EYS: variants seen among roughly 807,000 people sequenced by gnomAD.
EYS encodes the protein protein eyes shut homolog.
A neutral mutation model predicts 282.1 loss-of-function variants in EYS; 250 were observed. That is an observed-to-expected ratio of 0.89 (90% CI 0.80 to 0.98). The LOEUF (loss-of-function observed/expected upper bound fraction) is 0.98. EYS is among the 50% of genes least tolerant of loss of function. The pLI is 0.00. For synonymous variants in EYS, 1,355 were observed against 1,282.9 expected, an observed-to-expected ratio of 1.06 and a Z score of -1.20; for missense variants, 4,016 against 3,709.0, an observed-to-expected ratio of 1.08 and a Z score of -2.15.
intron 2 of EYS, among the ~76,000 whole-genome samples, chr6:65,622,273 T>A (rs1766532316): frequency 6.6e-6 from 1 of 151,846 alleles, no homozygotes. Context: ...CTTCTTTATT[T>A]CTACAGGCTA....
At chr6:64,875,678 T>C (rs1295654576) in intron 19 of EYS, among the ~76,000 whole-genome samples, 1 of 152,142 alleles carries the variant, frequency 6.6e-6, no homozygotes, top group Non-Finnish European at 1.5e-5. Flanking sequence ...CATTAAATCA[T>C]CCAATAACTA....
At chr6:64,237,014 A>C (rs1433316700) in intron 30 of EYS, among the ~76,000 whole-genome samples, 1 of 152,042 alleles carries the variant, frequency 6.6e-6, no homozygotes, top group African/African-American at 2.4e-5. Flanking sequence ...TAGTATGTAC[A>C]TTTAATTTTT....
At chr6:64,695,171 C>A (rs1048024981) in intron 22 of EYS, among the ~76,000 whole-genome samples, 2 of 152,004 alleles carry the variant, frequency 1.3e-5, no homozygotes, top group Admixed American at 1.3e-4. Flanking sequence ...AGGACTGGGA[C>A]CACTGAGAGT....
intron 28 of EYS, among the ~76,000 whole-genome samples, chr6:64,406,281 C>A (rs1345762198): frequency 6.6e-6 from 1 of 152,144 alleles, no homozygotes; most frequent in Non-Finnish European, 1.5e-5. Context: ...GAAACTGGAT[C>A]CCTTCCTTAC....
chr6:65,028,909 C>T (rs1436825181), intron 13 of EYS, among the ~76,000 whole-genome samples: 1 of 152,014 alleles, frequency 6.6e-6, no homozygotes, highest in East Asian at 1.9e-4. Context: ...AAGAGCTTTG[C>T]CTTTATACCT....
At chr6:64,585,611 T>A (rs2149827528) in intron 26 of EYS, among the ~76,000 whole-genome samples, 1 of 152,242 alleles carries the variant, frequency 6.6e-6, no homozygotes, top group African/African-American at 2.4e-5. Context: ...GTAAATAATC[T>A]TTCTCTATGG....
chr6:65,118,046 T>G (rs1374672565), intron 12 of EYS, among the ~76,000 whole-genome samples: 2 of 152,090 alleles, frequency 1.3e-5, no homozygotes, highest in Admixed American at 6.5e-5. Context: ...GGGGAAGGAT[T>G]GTGGTTGTTG....
chr6:64,408,198 A>T (rs1196032610), intron 28 of EYS, among the ~76,000 whole-genome samples: 1 of 152,008 alleles, frequency 6.6e-6, no homozygotes, highest in Non-Finnish European at 1.5e-5. Context: ...AATAATAATA[A>T]ATAATGAGTA....
chr6:64,328,518 G>C (rs673370), intron 29 of EYS, among the ~76,000 whole-genome samples: 2 of 152,186 alleles, frequency 1.3e-5, no homozygotes, highest in Non-Finnish European at 2.9e-5. Context: ...GAGGCTGTGC[G>C]AGGCTTACCA....
intron 13 of EYS, among the ~76,000 whole-genome samples, chr6:65,006,636 T>C (rs9354203): frequency 0.068 from 10,293 of 151,908 alleles, 437 homozygotes; most frequent in East Asian, 0.13. Context: ...GATTTCCTAA[T>C]GGGGGATTTA....
At chr6:65,480,361 G>A (rs1000430492) in intron 5 of EYS, among the ~76,000 whole-genome samples, 10 of 151,976 alleles carry the variant, frequency 6.6e-5, no homozygotes, top group Non-Finnish European at 1.0e-4. Context: ...AGGATATTAC[G>A]GGCCTTATAT....
intron 11 of EYS, among the ~76,000 whole-genome samples, chr6:65,328,975 T>C (rs1480338344): frequency 6.6e-6 from 1 of 151,202 alleles, no homozygotes; most frequent in Non-Finnish European, 1.5e-5. Flanking sequence ...AAAGGCTGCA[T>C]GAAACTCCAA....
At chr6:65,500,925 A>T (rs1000523045) in intron 2 of EYS, among the ~76,000 whole-genome samples, 1 of 151,916 alleles carries the variant, frequency 6.6e-6, no homozygotes, top group African/African-American at 2.4e-5. Flanking sequence ...GGGGTGGGGG[A>T]AAGTCAGAAC....
At chr6:63,852,389 A>G (rs903510103) in intron 36 of EYS, among the ~76,000 whole-genome samples, 15 of 152,156 alleles carry the variant, frequency 9.9e-5, no homozygotes, top group African/African-American at 3.4e-4. Flanking sequence ...TAAGAAATTG[A>G]TAAATTCCTG....
At chr6:63,851,705 C>T (rs1328661734) in intron 36 of EYS, among the ~76,000 whole-genome samples, 1 of 152,058 alleles carries the variant, frequency 6.6e-6, no homozygotes, top group Admixed American at 6.6e-5. Flanking sequence ...ATTAAGTGCC[C>T]ACATCAGAAA....
intron 2 of EYS, among the ~76,000 whole-genome samples, chr6:65,507,740 G>C (rs1766709850): frequency 6.6e-6 from 1 of 151,818 alleles, no homozygotes; most frequent in Non-Finnish European, 1.5e-5. Context: ...CCTATCAATG[G>C]TCTTTATTTC....
At chr6:64,485,983 A>T (rs1013019790) in intron 26 of EYS, among the ~76,000 whole-genome samples, 2 of 151,424 alleles carry the variant, frequency 1.3e-5, no homozygotes, top group African/African-American at 4.8e-5. Context: ...AAAATAGACA[A>T]AGGAAATTAT....
chr6:65,329,613 A>C (rs1769722488), intron 11 of EYS: 6 of 980,124 alleles, frequency 6.1e-6, no homozygotes, highest in Non-Finnish European at 7.3e-6. Context: ...TAAAACTTTT[A>C]CTTGAAGGCA....
intron 36 of EYS, among the ~76,000 whole-genome samples, chr6:63,831,862 C>T (rs1771648407): frequency 6.6e-6 from 1 of 152,174 alleles, no homozygotes; most frequent in Non-Finnish European, 1.5e-5. Flanking sequence ...TTACAAAAAA[C>T]TGTCTCTCAG....
Sources: gnomAD v4.1 joint callset for allele counts (sites outside exome capture counted in the v4.1 genomes callset) on GRCh38, gnomAD v4.1.1 for gene constraint, MANE v1.5 for transcripts, NCBI Gene and HGNC (gene_info 2026-07-23, HGNC 2026-07-21) for gene names.